TSEN2: variants seen among roughly 807,000 people sequenced by gnomAD.
The protein encoded by TSEN2 is tRNA-splicing endonuclease subunit Sen2.
In TSEN2, 54 loss-of-function variants were observed where a neutral mutation model predicts 59.2. That is an observed-to-expected ratio of 0.91 (90% CI 0.73 to 1.14). The LOEUF (loss-of-function observed/expected upper bound fraction) is 1.14, where lower values mean the gene tolerates loss of function less well. Ranked by LOEUF, TSEN2 falls within the 50% of genes most tolerant of loss-of-function variation. The pLI is 0.00. For missense variants in TSEN2, 636 were observed against 576.2 expected (o/e 1.10, Z -1.06); for synonymous variants, 195 against 198.2 (o/e 0.98, Z 0.14).
intron 4 of TSEN2, among the ~76,000 whole-genome samples, chr3:12,497,176 T>TC (rs1236198288): frequency 2.6e-5 from 4 of 152,202 alleles, no homozygotes; most frequent in African/African-American, 9.6e-5. Flanking sequence ...GTTTAGACTG[T>TC]CGGTGCTTGG....
At chr3:12,531,512 A>T in intron 10 of TSEN2, 58 bp from the exon 11 acceptor site, 1 of 1,188,178 alleles carries the variant, frequency 8.4e-7, no homozygotes, top group Non-Finnish European at 1.3e-6. Context: ...CTGCTGATGC[A>T]CCCAAATTTG....
At chr3:12,483,483 G>A (rs571460373), upstream of TSEN2, among the ~76,000 whole-genome samples, 102 of 152,334 alleles carry the variant, frequency 6.7e-4, 1 homozygote, top group Non-Finnish European at 1.4e-3. Context: ...GGGAAGGCAA[G>A]AAGTCTCCTG....
At chr3:12,497,839 G>A (rs1419565522) in intron 4 of TSEN2, among the ~76,000 whole-genome samples, 3 of 152,170 alleles carry the variant, frequency 2.0e-5, no homozygotes, top group African/African-American at 7.2e-5. Flanking sequence ...TAAAACAACA[G>A]AAATTTATTG....
In TSEN2 at chr3:12,516,446, A is replaced by ATGTGTG. The variant is rs68107346; in HGVS notation, c.910-128_910-123dup. On this transcript the variant is annotated intron_variant, in intron 6 of 11. Transcript: ENST00000284995. ...TTTCAAAAACAAACAAACAAAATATATGTGTGTGTGTGTGTGTGTGTGTGT... is the reference window on the plus strand; with the variant it reads ...TTTCAAAAACAAACAAACAAAATATATGTGTGTGTGTGTGTGTGTGTGTGTGTGTGT... Among the ~76,000 whole-genome samples, 6 of 126,558 alleles carry ATGTGTG rather than the reference A, an allele frequency of 4.7e-5. No homozygotes were observed. The South Asian group carries it at 7.0e-4, about 15-fold the overall frequency. The allele number at this position is 126,558 out of a possible 152,430, so 83.0% of individuals were successfully genotyped here. A position where few individuals can be genotyped will look rare whatever the true frequency, so the allele number is the denominator to read the frequency against.
chr3:12,485,824 C>T (rs1340566560), intron 1 of TSEN2, among the ~76,000 whole-genome samples: 2 of 152,198 alleles, frequency 1.3e-5, no homozygotes, highest in African/African-American at 4.8e-5. Context: ...TTTTTGTGCA[C>T]CTCAGGCACC....
At chr3:12,530,247 C>CA (rs1468203747) in intron 10 of TSEN2, 3 of 1,017,268 alleles carry the variant, frequency 2.9e-6, no homozygotes, top group Non-Finnish European at 3.5e-6. Flanking sequence ...GGAGTCAAAA[C>CA]ATTGAAAGTT....
intron 1 of TSEN2, among the ~76,000 whole-genome samples, chr3:12,488,368 A>G (rs1159214176): frequency 6.6e-6 from 1 of 152,230 alleles, no homozygotes; most frequent in Non-Finnish European, 1.5e-5. Context: ...GTTGAAATCA[A>G]GTCTAGACCT....
At position 12,505,170 on chromosome 3, in the gene TSEN2, G is replaced by A. The variant is rs1163763293; in HGVS notation, c.848G>A (p.Arg283Lys). Residue 283 changes from arginine (R) to lysine (K), a missense_variant, in exon 6 of 12, where the codon AGG becomes AAG. Transcript: ENST00000284995. The stretch of plus-strand genomic sequence containing the variant: ...TCTCTTTAGTTGGTGCAAAGAAACA[G>A]GTTAATATGCAGAAGAAATCCATAT... ...APNEELVQRN[R>K]LICRRNPYRI... 15 of 1,609,302 alleles carry A rather than the reference G, an allele frequency of 9.3e-6. No homozygotes were observed. Among genetic ancestry groups the A allele is most frequent in the Non-Finnish European group, 1.3e-5 (15 of 1,175,812 alleles).
intron 3 of TSEN2, among the ~76,000 whole-genome samples, chr3:12,495,143 A>AAAAG (rs1315224904): frequency 1.3e-5 from 2 of 151,972 alleles, no homozygotes; most frequent in Non-Finnish European, 2.9e-5. Context: ...AAAAAAAAAA[A>AAAAG]AAAAAGTTAA....
chr3:12,494,966 A>C (rs1018016425), intron 3 of TSEN2, among the ~76,000 whole-genome samples: 74 of 151,162 alleles, frequency 4.9e-4, no homozygotes, highest in Non-Finnish European at 8.8e-4. Flanking sequence ...TCTCTACCAA[A>C]AATACAAAAA....
intron 6 of TSEN2, among the ~76,000 whole-genome samples, chr3:12,512,436 A>G (rs2055572722): frequency 6.6e-6 from 1 of 152,200 alleles, no homozygotes; most frequent in South Asian, 2.1e-4. Context: ...ATACACAACG[A>G]CCAGCACAGT....
At chr3:12,491,758 C>T (rs541740106) in intron 2 of TSEN2, among the ~76,000 whole-genome samples, 56 of 152,294 alleles carry the variant, frequency 3.7e-4, no homozygotes, top group Non-Finnish European at 7.5e-4. Context: ...GTCGGCCCTC[C>T]ATATCATGGG....
chr3:12,533,997 A>G (rs189561152), downstream of TSEN2, among the ~76,000 whole-genome samples: 2 of 152,208 alleles, frequency 1.3e-5, no homozygotes, highest in Admixed American at 1.3e-4. Context: ...AAGCTCAGAG[A>G]TGTTGGCGGG....
chr3:12,499,718 C>G (rs2054102023), intron 4 of TSEN2, among the ~76,000 whole-genome samples: 1 of 152,166 alleles, frequency 6.6e-6, no homozygotes, highest in Admixed American at 6.5e-5. Context: ...CCTTCCAGTG[C>G]TAAGTATCGT....
intron 4 of TSEN2, among the ~76,000 whole-genome samples, chr3:12,501,935 G>GT (rs1411857899): frequency 6.6e-6 from 1 of 152,150 alleles, no homozygotes; most frequent in Admixed American, 6.6e-5. Context: ...TTGCCCTATT[G>GT]TTTTGCCTAT....
At chr3:12,523,408 T>C (rs1290552486) in intron 8 of TSEN2, among the ~76,000 whole-genome samples, 1 of 152,022 alleles carries the variant, frequency 6.6e-6, no homozygotes, top group Non-Finnish European at 1.5e-5. Context: ...AACCATGACC[T>C]GTTGTGACGT....
chr3:12,503,527 T>C lies in TSEN2; in HGVS notation c.574T>C (p.Cys192Arg), dbSNP rs1480444813. Residue 192 changes from cysteine to arginine, a missense_variant, in exon 5 of 12, where the codon TGC (cysteine) becomes CGC (arginine). Cys to Arg is a radical substitution (Grantham distance 180). Transcript: ENST00000284995. ...GGGTGATCCCCGTGAGCCATTAGGCTGCCTGCAGGAGGGCTCTGGCTGCCA... is the reference window on the plus strand; with the variant it reads ...GGGTGATCCCCGTGAGCCATTAGGCCGCCTGCAGGAGGGCTCTGGCTGCCA... ...GVGDPREPLG[C>R]LQEGSGCHPT... The C allele has an allele frequency of 6.2e-7, 1 of 1,613,460 alleles. No individual in the cohort carries two copies. Among genetic ancestry groups the C allele is most frequent in the Admixed American group, 1.7e-5 (1 of 60,010 alleles).
At chr3:12,508,715 TAG>T (rs1296795851) in intron 6 of TSEN2, among the ~76,000 whole-genome samples, 4 of 152,184 alleles carry the variant, frequency 2.6e-5, no homozygotes, top group Non-Finnish European at 4.4e-5. Flanking sequence ...GAAATTTTCA[TAG>T]AGTAATTGAA....
At chr3:12,496,049 C>G (rs1027435671) in intron 3 of TSEN2, among the ~76,000 whole-genome samples, 23 of 152,224 alleles carry the variant, frequency 1.5e-4, no homozygotes, top group African/African-American at 5.5e-4. Flanking sequence ...AGCTGGATCC[C>G]TGAACTCCCA....
Sources: gnomAD v4.1 joint callset for allele counts (sites outside exome capture counted in the v4.1 genomes callset) on GRCh38, gnomAD v4.1.1 for gene constraint, MANE v1.5 for transcripts, NCBI Gene and HGNC (gene_info 2026-07-23, HGNC 2026-07-21) for gene names.